EFNA5: variants seen among roughly 807,000 people sequenced by gnomAD.
EFNA5 encodes ephrin A5.
EFNA5 carries 5 observed loss-of-function variants against 22.9 expected under a neutral mutation model. The ratio of observed to expected loss-of-function variants is 0.22; its 90% CI spans 0.11 to 0.46. The LOEUF is 0.46. Ranked by LOEUF, EFNA5 falls within the 20% of genes least tolerant of loss-of-function variation. The pLI is 0.99. For missense variants in EFNA5, 237 were observed against 293.3 expected, an observed-to-expected ratio of 0.81 and a Z score of 1.40; for synonymous variants, 113 against 112.2, an observed-to-expected ratio of 1.01 and a Z score of -0.04.
intron 1 of EFNA5, among the ~76,000 whole-genome samples, chr5:107,574,549 AT>A (rs966929729): frequency 8.5e-5 from 13 of 152,242 alleles, no homozygotes; most frequent in East Asian, 1.9e-4. Context: ...TCATAAGAAG[AT>A]TTTTTTCCCC....
At chr5:107,453,096 A>T (rs865979555) in intron 1 of EFNA5, among the ~76,000 whole-genome samples, 9 of 152,280 alleles carry the variant, frequency 5.9e-5, no homozygotes, top group Middle Eastern at 3.4e-3. Context: ...CTCAATAACA[A>T]TACACTATTT....
At chr5:107,572,660 CAA>C (rs1431317073) in intron 1 of EFNA5, among the ~76,000 whole-genome samples, 1 of 152,138 alleles carries the variant, frequency 6.6e-6, no homozygotes, top group Admixed American at 6.5e-5. Context: ...AAAATGCATT[CAA>C]ACAACGGGAT....
intron 1 of EFNA5, among the ~76,000 whole-genome samples, chr5:107,467,640 G>A (rs556354506): frequency 1.7e-4 from 26 of 152,278 alleles, no homozygotes; most frequent in African/African-American, 5.1e-4. Flanking sequence ...TGAGAAATCC[G>A]GTCTCACAGC....
intron 1 of EFNA5, among the ~76,000 whole-genome samples, chr5:107,474,647 C>T (rs767625389): frequency 4.6e-5 from 7 of 152,010 alleles, no homozygotes; most frequent in Non-Finnish European, 1.0e-4. Flanking sequence ...TGTTGAAGGG[C>T]GTATCTTTAG....
chr5:107,430,428 G>A (rs889684719), intron 1 of EFNA5, among the ~76,000 whole-genome samples: 1 of 152,000 alleles, frequency 6.6e-6, no homozygotes, highest in Admixed American at 6.5e-5. Flanking sequence ...ACTCATTTTA[G>A]CTTCCACTAG....
intron 1 of EFNA5, among the ~76,000 whole-genome samples, chr5:107,621,453 A>T (rs1750035197): frequency 6.6e-6 from 1 of 152,222 alleles, no homozygotes; most frequent in African/African-American, 2.4e-5. Flanking sequence ...TCTCTCAACC[A>T]AAAGGATCCC....
chr5:107,414,756 T>G (rs1748460278), intron 2 of EFNA5, among the ~76,000 whole-genome samples: 1 of 152,206 alleles, frequency 6.6e-6, no homozygotes, highest in Admixed American at 6.5e-5. Flanking sequence ...TCAGAAATTC[T>G]GTTATTTGAT....
intron 2 of EFNA5, 83 bp from the exon 3 acceptor site, chr5:107,387,854 A>G: frequency 1.0e-6 from 1 of 979,454 alleles, no homozygotes; most frequent in Non-Finnish European, 1.6e-6. Flanking sequence ...CAAATGATGA[A>G]CAATAAATTC....
intron 1 of EFNA5, among the ~76,000 whole-genome samples, chr5:107,526,970 C>T (rs1747707822): frequency 6.6e-6 from 1 of 152,178 alleles, no homozygotes; most frequent in African/African-American, 2.4e-5. Flanking sequence ...ATAGGTACCA[C>T]ATGTTTTGAT....
intron 1 of EFNA5, among the ~76,000 whole-genome samples, chr5:107,632,862 A>G (rs2112537625): frequency 6.6e-6 from 1 of 152,334 alleles, no homozygotes; most frequent in South Asian, 2.1e-4. Flanking sequence ...AATGCACCCC[A>G]AAATATTTAC....
chr5:107,461,816 T>G lies in EFNA5; in HGVS notation c.126-34307A>C, dbSNP rs565529746. ...TTTAATATAGGCATTGAGTAAATTT[T>G]TTTTTAAAAAAAGCATCTGTAATTT... On this transcript the variant is annotated intron_variant, in intron 1 of 4. Transcript: ENST00000333274. Among the ~76,000 whole-genome samples the G allele has an allele frequency of 3.3e-5, 5 of 152,280 alleles. No individual in the cohort carries two copies. The South Asian group carries it at 1.0e-3, about 32-fold the overall frequency.
At chr5:107,639,059 A>C (rs1750446104) in intron 1 of EFNA5, among the ~76,000 whole-genome samples, 1 of 152,250 alleles carries the variant, frequency 6.6e-6, no homozygotes, top group Non-Finnish European at 1.5e-5. Flanking sequence ...GGTAGTAAAA[A>C]TTCAGCCTTC....
chr5:107,605,686 T>G (rs1177012688), intron 1 of EFNA5, among the ~76,000 whole-genome samples: 1 of 152,152 alleles, frequency 6.6e-6, no homozygotes, highest in African/African-American at 2.4e-5. Flanking sequence ...CATATGTATT[T>G]CAACAGGCTT....
intron 1 of EFNA5, among the ~76,000 whole-genome samples, chr5:107,544,878 T>C (rs1022817926): frequency 6.6e-6 from 1 of 152,230 alleles, no homozygotes; most frequent in Non-Finnish European, 1.5e-5. Flanking sequence ...TTCTCAGATA[T>C]GTGATAAACA....
intron 1 of EFNA5, among the ~76,000 whole-genome samples, chr5:107,453,214 T>C (rs575179209): frequency 6.6e-6 from 1 of 152,176 alleles, no homozygotes; most frequent in Non-Finnish European, 1.5e-5. Flanking sequence ...TAGAAAGATG[T>C]GAAGGCTATT....
intron 4 of EFNA5, among the ~76,000 whole-genome samples, chr5:107,384,643 G>T (rs1258251154): frequency 6.6e-6 from 1 of 151,874 alleles, no homozygotes; most frequent in East Asian, 1.9e-4. Context: ...ACAGAATCTT[G>T]CTCTGTCACC....
At chr5:107,404,195 C>T (rs972954173) in intron 2 of EFNA5, among the ~76,000 whole-genome samples, 5 of 152,152 alleles carry the variant, frequency 3.3e-5, no homozygotes, top group African/African-American at 4.8e-5. Context: ...CAAGTGATGG[C>T]GAGTTCTCAT....
At chr5:107,541,407 T>C (rs62355615) in intron 1 of EFNA5, among the ~76,000 whole-genome samples, 23,573 of 152,232 alleles carry the variant, frequency 0.15, 2,407 homozygotes, top group Non-Finnish European at 0.22. Flanking sequence ...ATAAATGTTA[T>C]AATCAGAAAA....
chr5:107,483,788 T>G (rs1750547087), intron 1 of EFNA5, among the ~76,000 whole-genome samples: 1 of 152,174 alleles, frequency 6.6e-6, no homozygotes, highest in Non-Finnish European at 1.5e-5. Flanking sequence ...GAGATACATT[T>G]TGGGTAGAGT....
Sources: allele counts gnomAD v4.1 joint callset (sites outside exome capture counted in the v4.1 genomes callset), GRCh38; gene constraint gnomAD v4.1.1; transcripts MANE v1.5; gene names NCBI Gene and HGNC (gene_info 2026-07-23, HGNC 2026-07-21).